The following ZNF618 variants were observed in gnomAD, a reference collection of about 807,000 sequenced individuals.
The protein encoded by ZNF618 is neural precursor cell expressed, developmentally down-regulated 10.
In ZNF618, 34 loss-of-function variants were observed where a neutral mutation model predicts 103.0. The observed-to-expected ratio is 0.33, with a 90% CI of 0.25 to 0.44. The LOEUF (loss-of-function observed/expected upper bound fraction) is 0.44. ZNF618 is among the 20% of genes least tolerant of loss of function. The pLI, the probability that ZNF618 is intolerant of heterozygous loss-of-function variation, is 1.00. For missense variants in ZNF618, 1,059 were observed against 1,295.4 expected (o/e 0.82, Z 2.80); for synonymous variants, 551 against 542.2 (o/e 1.02, Z -0.23).
chr9:113,884,498 T>C (rs1315434791), intron 1 of ZNF618, among the ~76,000 whole-genome samples: 1 of 152,218 alleles, frequency 6.6e-6, no homozygotes, highest in Non-Finnish European at 1.5e-5. Context: ...CAGCATGTTA[T>C]TTGTGCATCA....
chr9:113,955,360 T>C (rs1836181344), intron 1 of ZNF618, among the ~76,000 whole-genome samples: 1 of 149,426 alleles, frequency 6.7e-6, no homozygotes, highest in Non-Finnish European at 1.5e-5. Context: ...AATAGTCTGG[T>C]TGTCTAGATT....
In ZNF618 at chr9:114,028,739, C is replaced by T; in HGVS notation, c.851C>T (p.Ala284Val). ...GAGAGCGTGACCCTCTCAGGTACTG[C>T]CCCCGGGTGGGAGCCACCGGATGAT... ...HVALHAPIST[A>V]PGWEPPDDPD... The change falls in exon 11 of 15, where the codon GCC becomes GTC. Residue 284 changes from alanine (A) to valine (V), a missense_variant. Around this residue, in one of 6 missense-constraint regions of ZNF618, gnomAD observed 434 missense variants for 476.0 expected, o/e 0.91. Coordinates refer to ENST00000374126, the MANE Select transcript of ZNF618 (RefSeq NM_001318042.2). The T allele has an allele frequency of 6.5e-7, 1 of 1,549,888 alleles. No homozygotes were observed.
intron 3 of ZNF618, among the ~76,000 whole-genome samples, chr9:113,992,225 A>G (rs750358269): frequency 4.1e-4 from 63 of 152,272 alleles, no homozygotes; most frequent in Admixed American, 7.8e-4. Context: ...AGAAGTGGGC[A>G]GTGGAGCTAT....
chr9:113,890,105 C>G (rs1829476844), intron 1 of ZNF618, among the ~76,000 whole-genome samples: 1 of 152,202 alleles, frequency 6.6e-6, no homozygotes, highest in Admixed American at 6.5e-5. Flanking sequence ...GATACAGGCT[C>G]TCTTTTGGTT....
chr9:113,990,374 C>T (rs1234397937), intron 3 of ZNF618, among the ~76,000 whole-genome samples: 2 of 152,222 alleles, frequency 1.3e-5, no homozygotes, highest in East Asian at 3.8e-4. Flanking sequence ...CCTGCTTCCA[C>T]TCTGTAATAC....
intron 1 of ZNF618, among the ~76,000 whole-genome samples, chr9:113,907,522 C>T (rs1264861108): frequency 6.6e-6 from 1 of 152,192 alleles, no homozygotes; most frequent in African/African-American, 2.4e-5. Flanking sequence ...CTTCCTGGAT[C>T]TTGTTCCCTT....
At chr9:113,965,525 C>G (rs890714235) in intron 1 of ZNF618, among the ~76,000 whole-genome samples, 35 of 152,184 alleles carry the variant, frequency 2.3e-4, no homozygotes, top group African/African-American at 8.2e-4. Flanking sequence ...TACACCTTCA[C>G]CCCAGCTTTA....
intron 4 of ZNF618, among the ~76,000 whole-genome samples, chr9:113,998,559 C>T (rs578121712): frequency 3.3e-5 from 5 of 152,170 alleles, no homozygotes; most frequent in African/African-American, 4.8e-5. Context: ...ACTGGAGGGA[C>T]GATAGAGCAT....
In ZNF618 at chr9:114,056,215, T is replaced by TA. The variant is rs1181863732; in HGVS notation, c.*6049dup. 2.0e-5 allele frequency: 3 copies of TA among 152,270 alleles called. No homozygotes were observed. The highest frequency in any genetic ancestry group is 4.4e-5 in the Non-Finnish European group (3 of 68,036). 9.4% of individuals were successfully genotyped at this position (152,270 alleles called of 1,614,324 possible). The stretch of plus-strand genomic sequence containing the variant: ...TTTGTTTTGGTGCCGTTTCTCCATT[T>TA]ACAGCCAAATCAGTTTCATGATGTT... On this transcript the variant is annotated 3_prime_UTR_variant, in exon 15 of 15. Coordinates refer to ENST00000374126, the MANE Select transcript of ZNF618 (RefSeq NM_001318042.2).
chr9:114,007,741 A>G (rs1841880852), intron 7 of ZNF618, among the ~76,000 whole-genome samples: 1 of 152,244 alleles, frequency 6.6e-6, no homozygotes, highest in Non-Finnish European at 1.5e-5. Context: ...GAGCATTTGC[A>G]TGTTCTGATT....
intron 10 of ZNF618, chr9:114,028,109 T>G (rs920852764): frequency 3.9e-5 from 6 of 152,506 alleles, no homozygotes; most frequent in African/African-American, 1.2e-4. Flanking sequence ...CTCCAGCTTC[T>G]ACGGACTTTT....
Position 114,048,751 on chromosome 9 carries a change from A to C in ZNF618, c.1449A>C (p.Ala483=), listed in dbSNP as rs777215245. ...GGGTCATGTGTGCCGACCTGGGTGC[A>C]CTGAGCGTGGTCAGCGGGAAGGAGT... ...LLRVMCADLG[A]LSVVSGKEFL... is the part of the protein sequence containing the mutation. Residue 483 remains alanine, a synonymous_variant, in exon 15 of 15, where the codon GCA becomes GCC. Transcript: ENST00000374126. 3 of 1,614,012 alleles carry C rather than the reference A, an allele frequency of 1.9e-6. No individual in the cohort carries two copies. The South Asian group carries it at 3.3e-5, about 18-fold the overall frequency.
chr9:113,965,037 G>A (rs1397747974), intron 1 of ZNF618, among the ~76,000 whole-genome samples: 1 of 143,762 alleles, frequency 7.0e-6, no homozygotes, highest in Non-Finnish European at 1.5e-5. Context: ...CAGCTTAGCT[G>A]CTATCCTCCC....
intron 9 of ZNF618, among the ~76,000 whole-genome samples, chr9:114,010,432 C>T (rs546416723): frequency 1.3e-5 from 2 of 152,184 alleles, no homozygotes; most frequent in Admixed American, 1.3e-4. Context: ...TCAGGCTGGG[C>T]GTGGTGGCTC....
At position 113,998,617 on chromosome 9, in the gene ZNF618, C is replaced by T. The variant is rs1486636704; in HGVS notation, c.433+263C>T. Among the ~76,000 whole-genome samples the T allele has an allele frequency of 2.0e-5, 3 of 152,212 alleles. No homozygotes were observed. The East Asian group carries it at 5.8e-4, about 29-fold the overall frequency. On this transcript the variant is annotated intron_variant, in intron 4 of 14. Transcript: ENST00000374126. ...TGTCCAGAGCATTTTGGCAGCACTT[C>T]CTATGGGCCGCAACTCTGAAACAGG...
At chr9:113,910,374 C>G (rs1035672182) in intron 1 of ZNF618, among the ~76,000 whole-genome samples, 4 of 152,164 alleles carry the variant, frequency 2.6e-5, no homozygotes, top group Non-Finnish European at 5.9e-5. Flanking sequence ...ATTATTGATT[C>G]CTGCCGAGTC....
intron 12 of ZNF618, among the ~76,000 whole-genome samples, chr9:114,036,024 G>A (rs1844564063): frequency 1.3e-5 from 2 of 152,294 alleles, no homozygotes; most frequent in South Asian, 4.1e-4. Context: ...TCTCAAGTGC[G>A]CCGAACAGTG....
intron 10 of ZNF618, among the ~76,000 whole-genome samples, chr9:114,026,711 T>G (rs1312136343): frequency 1.3e-5 from 2 of 152,228 alleles, no homozygotes; most frequent in Non-Finnish European, 2.9e-5. Context: ...CCTTTGGGCC[T>G]TGGGTTTTTT....
intron 2 of ZNF618, among the ~76,000 whole-genome samples, chr9:113,987,262 G>C (rs1270736248): frequency 6.6e-6 from 1 of 152,184 alleles, no homozygotes; most frequent in Non-Finnish European, 1.5e-5. Context: ...GTTGAAAGGA[G>C]GATGCTTCAG....
Sources: gnomAD v4.1 joint callset for allele counts (sites outside exome capture counted in the v4.1 genomes callset) on GRCh38, gnomAD v4.1.1 for gene constraint, gnomAD v4.1.1 regional missense constraint, MANE v1.5 for transcripts, NCBI Gene and HGNC (gene_info 2026-07-23, HGNC 2026-07-21) for gene names.